SLC24A2: variants seen among roughly 807,000 people sequenced by gnomAD.
SLC24A2 encodes the protein solute carrier family 24 member 2.
In SLC24A2, 36 loss-of-function variants were observed where a neutral mutation model predicts 62.0. The ratio of observed to expected loss-of-function variants is 0.58; its 90% confidence interval spans 0.44 to 0.77. The LOEUF (loss-of-function observed/expected upper bound fraction) is 0.77, where lower values mean the gene tolerates loss of function less well. SLC24A2 is among the 30% of genes least tolerant of loss of function. The pLI is 0.00. For missense variants in SLC24A2, 846 were observed against 817.9 expected (o/e 1.03, Z -0.42); for synonymous variants, 358 against 294.0 (o/e 1.22, Z -2.23).
chr9:19,788,921 C>A lies in SLC24A2; in HGVS notation c.-190G>T. The A allele has an allele frequency of 2.0e-6, 2 of 985,148 alleles. No homozygotes were observed. The highest frequency in any genetic ancestry group is 9.4e-5 in the South Asian group (2 of 21,290). 61.0% of individuals were successfully genotyped at this position (985,148 alleles called of 1,614,324 possible). Reference sequence around the variant, plus strand: ...GGGAGGACGCGCACACGGCGGGGCCCCCGAGCGCGGCCCGCCGCTCCAGTC... The same window carrying A: ...GGGAGGACGCGCACACGGCGGGGCCACCGAGCGCGGCCCGCCGCTCCAGTC... On this transcript the variant is annotated 5_prime_UTR_variant, in exon 1 of 11. Transcript: ENST00000341998.
chr9:19,675,574 T>C (rs1310892855), intron 2 of SLC24A2, among the ~76,000 whole-genome samples: 1 of 151,850 alleles, frequency 6.6e-6, no homozygotes, highest in Non-Finnish European at 1.5e-5. Flanking sequence ...GCTAATGGAG[T>C]TATTTTCCCA....
intron 2 of SLC24A2, among the ~76,000 whole-genome samples, chr9:19,659,148 G>T (rs1385359773): frequency 6.6e-6 from 1 of 152,174 alleles, no homozygotes; most frequent in Non-Finnish European, 1.5e-5. Context: ...AGAAGATGGT[G>T]GTGGAAGACA....
chr9:20,283,565 A>G, the SLC24A2 span, among the ~76,000 whole-genome samples: 1 of 152,188 alleles, frequency 6.6e-6, no homozygotes, highest in Non-Finnish European at 1.5e-5. Context: ...TAGCAACTTC[A>G]GTCCTTGCCT....
At chr9:20,267,966 G>A in the SLC24A2 span, among the ~76,000 whole-genome samples, 1 of 152,030 alleles carries the variant, frequency 6.6e-6, no homozygotes, top group Non-Finnish European at 1.5e-5. Context: ...CCATCCCACT[G>A]GGTTGCCTGG....
At chr9:20,109,925 T>C in the SLC24A2 span, among the ~76,000 whole-genome samples, 1 of 152,194 alleles carries the variant, frequency 6.6e-6, no homozygotes, top group Non-Finnish European at 1.5e-5. Context: ...ATATTTCCAT[T>C]AACATTTTTC....
Position 19,515,967 on chromosome 9 carries a change from A to G in SLC24A2, c.*186T>C. On this transcript the variant is annotated 3_prime_UTR_variant, in exon 11 of 11. Coordinates refer to ENST00000341998, the MANE Select transcript of SLC24A2 (RefSeq NM_020344.4). ...TTTACATGAAGTCATTTCAGTAGGC[A>G]GGGTGGAAGCAGCCTGTGAAGTGAA... 1.4e-6 allele frequency: 1 copy of G among 728,164 alleles called. No homozygotes were observed. 45.1% of individuals were successfully genotyped at this position (728,164 alleles called of 1,614,324 possible). A position where few individuals can be genotyped will look rare whatever the true frequency, so the allele number is the denominator to read the frequency against.
chr9:19,830,189 C>G, the SLC24A2 span, among the ~76,000 whole-genome samples: 2,180 of 152,258 alleles, frequency 0.014, 19 homozygotes, highest in Middle Eastern at 0.034. Context: ...CATCACCTAT[C>G]TGAGATACTG....
intron 2 of SLC24A2, among the ~76,000 whole-genome samples, chr9:19,649,894 G>C (rs924599941): frequency 1.3e-5 from 2 of 152,180 alleles, no homozygotes; most frequent in Non-Finnish European, 2.9e-5. Context: ...TGAATTTGTA[G>C]TAATCATCCA....
At chr9:19,597,080 A>G in intron 5 of SLC24A2, 149 bp downstream of exon 5, 8 of 655,682 alleles carry the variant, frequency 1.2e-5, no homozygotes, top group South Asian at 7.1e-5. Context: ...ACACAATGGC[A>G]AAAACTAGAC....
the SLC24A2 span, among the ~76,000 whole-genome samples, chr9:19,849,022 A>T: frequency 5.3e-5 from 8 of 152,214 alleles, no homozygotes; most frequent in Admixed American, 1.3e-4. Context: ...GGAGGCAGAC[A>T]TGTAAAGAAA....
chr9:20,252,585 T>C, the SLC24A2 span, among the ~76,000 whole-genome samples: 2 of 152,170 alleles, frequency 1.3e-5, no homozygotes, highest in African/African-American at 4.8e-5. Context: ...AAAACAACAT[T>C]ATGAAACATT....
At chr9:19,890,796 C>T in the SLC24A2 span, among the ~76,000 whole-genome samples, 1 of 152,136 alleles carries the variant, frequency 6.6e-6, no homozygotes, top group South Asian at 2.1e-4. Flanking sequence ...CAGGCACGTA[C>T]CATCCCATAG....
intron 5 of SLC24A2, among the ~76,000 whole-genome samples, chr9:19,580,979 G>A (rs1836188541): frequency 6.6e-6 from 1 of 152,166 alleles, no homozygotes; most frequent in Non-Finnish European, 1.5e-5. Flanking sequence ...GAGAAAATAT[G>A]TGTAAAGGGC....
the SLC24A2 span, among the ~76,000 whole-genome samples, chr9:20,116,037 G>T: frequency 3.3e-5 from 5 of 152,166 alleles, no homozygotes; most frequent in African/African-American, 1.2e-4. Flanking sequence ...TCTATGAACT[G>T]TATTTGGTGA....
intron 9 of SLC24A2, among the ~76,000 whole-genome samples, chr9:19,527,062 T>C (rs746537693): frequency 2.6e-5 from 4 of 152,214 alleles, no homozygotes; most frequent in South Asian, 2.1e-4. Flanking sequence ...TTTTGGCATA[T>C]GGAAATCCAA....
At chr9:20,018,424 T>C in the SLC24A2 span, among the ~76,000 whole-genome samples, 1 of 152,192 alleles carries the variant, frequency 6.6e-6, no homozygotes, top group Non-Finnish European at 1.5e-5. Context: ...ATCTATACAC[T>C]AAAACATTAG....
At chr9:20,250,401 C>A in the SLC24A2 span, among the ~76,000 whole-genome samples, 1 of 152,178 alleles carries the variant, frequency 6.6e-6, no homozygotes, top group African/African-American at 2.4e-5. Context: ...GCAGACATCA[C>A]CAATCAACAG....
chr9:19,540,459 T>A (rs1039521208), intron 8 of SLC24A2, among the ~76,000 whole-genome samples: 1 of 151,198 alleles, frequency 6.6e-6, no homozygotes, highest in African/African-American at 2.5e-5. Flanking sequence ...TCTCCTTCAC[T>A]TATGAAGCTT....
At chr9:19,635,777 ATTCT>A (rs1818295110) in intron 2 of SLC24A2, among the ~76,000 whole-genome samples, 1 of 152,222 alleles carries the variant, frequency 6.6e-6, no homozygotes, top group Non-Finnish European at 1.5e-5. Context: ...TATATTAATA[ATTCT>A]TTATGAGTAA....
Sources: allele counts gnomAD v4.1 joint callset (sites outside exome capture counted in the v4.1 genomes callset), GRCh38; gene constraint gnomAD v4.1.1; transcripts MANE v1.5; gene names NCBI Gene and HGNC (gene_info 2026-07-23, HGNC 2026-07-21).